PPFIA1: variants seen among roughly 807,000 people sequenced by gnomAD.
The protein encoded by PPFIA1 is PPFI scaffold protein A1, also known as liprin-alpha-1.
A neutral mutation model predicts 149.9 loss-of-function variants in PPFIA1; 25 were observed. The observed-to-expected ratio is 0.17, with a 90% CI of 0.12 to 0.23. The LOEUF is 0.23. Ranked by LOEUF, PPFIA1 falls within the 10% of genes least tolerant of loss-of-function variation. The pLI, the probability that PPFIA1 is intolerant of heterozygous loss-of-function variation, is 1.00. For missense variants in PPFIA1, 1,362 were observed against 1,506.5 expected (o/e 0.90, Z 1.59); for synonymous variants, 549 against 552.8 (o/e 0.99, Z 0.10).
chr11:70,378,269 A>T, intron 26 of PPFIA1, 74 bp downstream of exon 26: 1 of 1,525,854 alleles, frequency 6.6e-7, no homozygotes, highest in Non-Finnish European at 8.8e-7. Flanking sequence ...ATTAATAATG[A>T]TCTAAAACGG....
chr11:70,293,852 T>C (rs1215561778), intron 2 of PPFIA1, among the ~76,000 whole-genome samples: 1 of 152,024 alleles, frequency 6.6e-6, no homozygotes, highest in Non-Finnish European at 1.5e-5. Flanking sequence ...AGGAAGACAG[T>C]TGGAAAGCCC....
chr11:70,367,671 A>G lies in PPFIA1; in HGVS notation c.2866-4544A>G, dbSNP rs533579398. Reference sequence around the variant, plus strand: ...TGGAGCCTGATCCTTCTGGGAGTTCATGTTATAGGCCACTTCAGGAGTCTG... The same window carrying G: ...TGGAGCCTGATCCTTCTGGGAGTTCGTGTTATAGGCCACTTCAGGAGTCTG... On this transcript the variant is annotated intron_variant, in intron 21 of 27. Transcript: ENST00000253925. The G allele has an allele frequency of 1.7e-4, 75 of 453,916 alleles. 1 individual carries two copies. Among genetic ancestry groups the G allele is most frequent in the South Asian group, 1.1e-3 (74 of 64,460 alleles). 28.1% of individuals were successfully genotyped at this position (453,916 alleles called of 1,614,324 possible).
At chr11:70,286,215 C>T (rs1169721702) in intron 2 of PPFIA1, among the ~76,000 whole-genome samples, 1 of 152,170 alleles carries the variant, frequency 6.6e-6, no homozygotes, top group African/African-American at 2.4e-5. Context: ...CGTACCCCAT[C>T]CTGTGAACGG....
At chr11:70,361,672 G>A (rs1182872133) in intron 19 of PPFIA1, among the ~76,000 whole-genome samples, 2 of 151,408 alleles carry the variant, frequency 1.3e-5, no homozygotes, top group Admixed American at 6.6e-5. Flanking sequence ...CTGGAGTGCA[G>A]TGGCACAGTC....
At chr11:70,374,856 G>A in intron 23 of PPFIA1, 62 bp from the exon 24 acceptor site, 2 of 1,448,564 alleles carry the variant, frequency 1.4e-6, no homozygotes, top group Admixed American at 1.8e-5. Flanking sequence ...TGCATTACAG[G>A]GTACATGTGA....
chr11:70,346,215 C>A (rs1443531497), intron 15 of PPFIA1, among the ~76,000 whole-genome samples: 2 of 152,018 alleles, frequency 1.3e-5, no homozygotes, highest in Admixed American at 6.6e-5. Flanking sequence ...TGGGATCTAC[C>A]CTCGGGCCCT....
intron 2 of PPFIA1, among the ~76,000 whole-genome samples, chr11:70,307,326 C>T (rs2052918891): frequency 6.6e-6 from 1 of 152,146 alleles, no homozygotes; most frequent in Non-Finnish European, 1.5e-5. Flanking sequence ...TAAACCTCAT[C>T]AGTAGTTGAA....
intron 2 of PPFIA1, among the ~76,000 whole-genome samples, chr11:70,298,598 C>T (rs1283056057): frequency 1.3e-5 from 2 of 152,148 alleles, no homozygotes; most frequent in Non-Finnish European, 2.9e-5. Context: ...AAGTGTTCAT[C>T]CCAGAACCTG....
intron 2 of PPFIA1, among the ~76,000 whole-genome samples, chr11:70,315,042 A>G (rs1439513498): frequency 6.6e-6 from 1 of 152,210 alleles, no homozygotes; most frequent in East Asian, 1.9e-4. Context: ...TATCACGAGA[A>G]CGGCATGGGG....
intron 23 of PPFIA1, chr11:70,374,603 G>A (rs567916897): frequency 2.1e-5 from 6 of 279,530 alleles, no homozygotes; most frequent in Admixed American, 5.5e-5. Context: ...AGGTATTCAA[G>A]TTCTTGCAGT....
intron 21 of PPFIA1, among the ~76,000 whole-genome samples, chr11:70,367,931 G>A (rs2057031693): frequency 6.6e-6 from 1 of 152,172 alleles, no homozygotes; most frequent in South Asian, 2.1e-4. Flanking sequence ...CAGCCCAGGA[G>A]TTCAAGACCA....
rs1174669752 is a variant in PPFIA1, at chr11:70,378,136, T to G, written c.3491T>G (p.Phe1164Cys). Residue 1164 changes from phenylalanine to cysteine, a missense_variant, in exon 26 of 28, where the codon TTC becomes TGC. By Grantham distance (205) the Phe-to-Cys change is radical. This residue lies in a region of PPFIA1 where 349 missense variants were observed against 373.3 expected (regional missense o/e 0.93). Coordinates refer to ENST00000253925, the MANE Select transcript of PPFIA1 (RefSeq NM_003626.5). Reference sequence around the variant, plus strand: ...TCAGCAGAGACTCTCCCTGCAAACTTCCGGGTGACTTCTTCTATGTCTTCC... The same window carrying G: ...TCAGCAGAGACTCTCCCTGCAAACTGCCGGGTGACTTCTTCTATGTCTTCC... ...AGSAETLPANFRVTSSMSSPS... is the reference protein window; with the variant it reads ...AGSAETLPANCRVTSSMSSPS... 6.2e-7 allele frequency: 1 copy of G among 1,614,110 alleles called. No homozygotes were observed.
chr11:70,339,062 C>T (rs2055149866), intron 13 of PPFIA1, 109 bp from the exon 14 acceptor site: 1 of 1,349,396 alleles, frequency 7.4e-7, no homozygotes, highest in African/African-American at 1.5e-5. Context: ...CCCTGGAGAC[C>T]CTTTCCTGTG....
chr11:70,366,146 G>A (rs1160774324), intron 21 of PPFIA1, among the ~76,000 whole-genome samples: 1 of 152,150 alleles, frequency 6.6e-6, no homozygotes, highest in Non-Finnish European at 1.5e-5. Context: ...CAAAGAGTAC[G>A]TCTCATGGAC....
chr11:70,339,311 G>A lies in PPFIA1; in HGVS notation c.1707+5G>A. ...CTGCGAGATGAGCCTTCCAAGGCAA[G>A]GTCTTTGTGTGAAATACCTCTGCTT... On this transcript the variant is annotated splice_donor_5th_base_variant and intron_variant, in intron 14 of 27. Coordinates refer to ENST00000253925, the MANE Select transcript of PPFIA1 (RefSeq NM_003626.5). 1 of 1,611,286 alleles carries A rather than the reference G, an allele frequency of 6.2e-7. No individual in the cohort carries two copies. The highest frequency in any genetic ancestry group is 8.5e-7 in the Non-Finnish European group (1 of 1,177,906).
chr11:70,368,318 G>T (rs1169923154), intron 21 of PPFIA1, among the ~76,000 whole-genome samples: 1 of 152,176 alleles, frequency 6.6e-6, no homozygotes. Flanking sequence ...TTAAATTAGA[G>T]AATTTGAGTT....
chr11:70,282,479 T>TATGACTTG (rs1253159390), intron 2 of PPFIA1: 1 of 152,346 alleles, frequency 6.6e-6, no homozygotes, highest in Non-Finnish European at 1.5e-5. Context: ...ATGTTTATTC[T>TATGACTTG]ATGACTTGAT....
intron 15 of PPFIA1, among the ~76,000 whole-genome samples, chr11:70,347,338 AATG>A (rs1297163141): frequency 1.3e-5 from 2 of 152,222 alleles, no homozygotes; most frequent in African/African-American, 4.8e-5. Context: ...ATCAAATGTT[AATG>A]ATATCCAGAA....
intron 6 of PPFIA1, 108 bp from the exon 7 acceptor site, chr11:70,326,489 C>A: frequency 7.8e-7 from 1 of 1,278,534 alleles, no homozygotes. Context: ...GTTGTGTAAT[C>A]CAACAGATTG....
Sources: allele counts gnomAD v4.1 joint callset (sites outside exome capture counted in the v4.1 genomes callset), GRCh38; gene constraint gnomAD v4.1.1; regional missense constraint gnomAD v4.1.1; transcripts MANE v1.5; gene names NCBI Gene and HGNC (gene_info 2026-07-23, HGNC 2026-07-21).